Variants in OXR1 observed in about 807,000 individuals in gnomAD.
The protein encoded by OXR1 is oxidation resistance protein 1.
In OXR1, 41 loss-of-function variants were observed where a neutral mutation model predicts 104.6. That is an observed-to-expected ratio of 0.39 (90% CI 0.31 to 0.51). The LOEUF is 0.51. OXR1 is among the 20% of genes least tolerant of loss of function. OXR1 has a pLI of 0.77. For synonymous variants in OXR1, 348 were observed against 348.4 expected (o/e 1.00, Z 0.01); for missense variants, 955 against 1,031.9 (o/e 0.93, Z 1.02).
At chr8:106,389,449 C>T (rs1254033729) in intron 2 of OXR1, among the ~76,000 whole-genome samples, 2 of 152,164 alleles carry the variant, frequency 1.3e-5, no homozygotes, top group Admixed American at 6.5e-5. Flanking sequence ...AATACTATAT[C>T]CCTACCATGC....
At position 106,691,641 on chromosome 8, in the gene OXR1, T is replaced by C. The variant is rs182371845; in HGVS notation, c.526-1087T>C. The stretch of plus-strand genomic sequence containing the variant: ...ATACATATATATATATATATATATA[T>C]ACACACACATATATTTATATTTGTG... On this transcript the variant is annotated intron_variant, in intron 6 of 16. Coordinates refer to ENST00000517566, the MANE Select transcript of OXR1 (RefSeq NM_001198533.2). Among the ~76,000 whole-genome samples the C allele has an allele frequency of 4.7e-3, 543 of 114,992 alleles. 5 individuals carry two copies. The highest frequency in any genetic ancestry group is 0.012 in the African/African-American group (377 of 31,586). 75.4% of individuals were successfully genotyped at this position (114,992 alleles called of 152,430 possible).
At chr8:106,727,023 C>T (rs28924680) in intron 11 of OXR1, among the ~76,000 whole-genome samples, 12 of 151,948 alleles carry the variant, frequency 7.9e-5, no homozygotes, top group Non-Finnish European at 1.5e-5. Context: ...AGCAGCTTGC[C>T]GCCCTTAAAT....
chr8:106,355,800 T>C (rs1554627212), intron 1 of OXR1, among the ~76,000 whole-genome samples: 1 of 152,098 alleles, frequency 6.6e-6, no homozygotes, highest in East Asian at 1.9e-4. Flanking sequence ...AAATTCCAAG[T>C]TGGTAGTTAT....
intron 2 of OXR1, among the ~76,000 whole-genome samples, chr8:106,362,340 C>T: frequency 6.6e-6 from 1 of 152,098 alleles, no homozygotes; most frequent in East Asian, 1.9e-4. Flanking sequence ...CCTGTTGTGA[C>T]TCTCGTAGAA....
At chr8:106,567,856 G>A (rs145898262) in intron 3 of OXR1, among the ~76,000 whole-genome samples, 44 of 152,186 alleles carry the variant, frequency 2.9e-4, no homozygotes, top group African/African-American at 1.1e-3. Flanking sequence ...GATCTATCTG[G>A]ATGATATGTC....
At chr8:106,694,680 A>ATATATTTG (rs1829706333) in intron 7 of OXR1, among the ~76,000 whole-genome samples, 3 of 106,522 alleles carry the variant, frequency 2.8e-5, no homozygotes, top group Non-Finnish European at 3.4e-5. Context: ...TTATATATTT[A>ATATATTTG]ATATATAAAT....
chr8:106,722,105 G>C (rs986027050), intron 11 of OXR1, among the ~76,000 whole-genome samples: 1 of 152,110 alleles, frequency 6.6e-6, no homozygotes, highest in Non-Finnish European at 1.5e-5. Context: ...GTATTCTGGT[G>C]ATCATTTTAT....
At chr8:106,495,055 C>A (rs537494257) in intron 2 of OXR1, among the ~76,000 whole-genome samples, 1 of 152,140 alleles carries the variant, frequency 6.6e-6, no homozygotes, top group African/African-American at 2.4e-5. Flanking sequence ...CCCCTGCACA[C>A]CACTGCTCAG....
chr8:106,377,218 C>A (rs768622755), intron 2 of OXR1, among the ~76,000 whole-genome samples: 19 of 152,094 alleles, frequency 1.2e-4, no homozygotes, highest in Non-Finnish European at 2.4e-4. Flanking sequence ...GGGTTTCCCC[C>A]TCTCGCTCAG....
chr8:106,659,855 C>G (rs1251928422), intron 3 of OXR1, among the ~76,000 whole-genome samples: 1 of 152,190 alleles, frequency 6.6e-6, no homozygotes, highest in African/African-American at 2.4e-5. Flanking sequence ...ACAGCTATAT[C>G]TGACACCCTC....
chr8:106,628,771 T>C (rs1822397695), intron 3 of OXR1, among the ~76,000 whole-genome samples: 1 of 152,208 alleles, frequency 6.6e-6, no homozygotes. Flanking sequence ...CTAATGCCTC[T>C]GATCTGTTGG....
chr8:106,683,030 A>G (rs1440004567), intron 4 of OXR1, among the ~76,000 whole-genome samples, 169 bp from the exon 5 acceptor site: 1 of 152,224 alleles, frequency 6.6e-6, no homozygotes, highest in African/African-American at 2.4e-5. Context: ...ATAGATTAAG[A>G]GCATTTGCTA....
chr8:106,367,299 G>A (rs868529355), intron 2 of OXR1, among the ~76,000 whole-genome samples: 6 of 151,844 alleles, frequency 4.0e-5, no homozygotes, highest in African/African-American at 9.7e-5. Context: ...TCCTGACCTC[G>A]TGATCTGCCC....
chr8:106,426,836 A>G (rs754417990), intron 2 of OXR1, among the ~76,000 whole-genome samples: 9 of 152,222 alleles, frequency 5.9e-5, no homozygotes, highest in Non-Finnish European at 8.8e-5. Flanking sequence ...GGATACTATT[A>G]TTATAATCAG....
At chr8:106,676,003 T>C (rs1827549111) in intron 3 of OXR1, among the ~76,000 whole-genome samples, 2 of 152,180 alleles carry the variant, frequency 1.3e-5, no homozygotes, top group Non-Finnish European at 2.9e-5. Context: ...CTAGGATAGT[T>C]AGATCTTACG....
At chr8:106,528,832 C>A (rs545857806) in intron 3 of OXR1, among the ~76,000 whole-genome samples, 23 of 152,324 alleles carry the variant, frequency 1.5e-4, no homozygotes, top group Admixed American at 5.9e-4. Context: ...AGCAGGAAGT[C>A]TCTGTGATTT....
chr8:106,651,311 G>A (rs1824550774), intron 3 of OXR1, among the ~76,000 whole-genome samples: 1 of 152,066 alleles, frequency 6.6e-6, no homozygotes, highest in Non-Finnish European at 1.5e-5. Context: ...TATGCCTTTG[G>A]TGTAATCTCT....
At chr8:106,747,350 A>G (rs1001456654) in intron 16 of OXR1, among the ~76,000 whole-genome samples, 1 of 152,226 alleles carries the variant, frequency 6.6e-6, no homozygotes, top group African/African-American at 2.4e-5. Flanking sequence ...TATAGTAAGT[A>G]CTCAACAACT....
intron 1 of OXR1, among the ~76,000 whole-genome samples, chr8:106,308,044 T>G (rs190931839): frequency 6.7e-6 from 1 of 150,084 alleles, no homozygotes; most frequent in East Asian, 2.0e-4. Context: ...ACACAGAAAT[T>G]TATTAAAAGA....
Sources: gnomAD v4.1 joint callset for allele counts (sites outside exome capture counted in the v4.1 genomes callset) on GRCh38, gnomAD v4.1.1 for gene constraint, MANE v1.5 for transcripts, NCBI Gene and HGNC (gene_info 2026-07-23, HGNC 2026-07-21) for gene names.